SLCO3A1: variants seen among roughly 807,000 people sequenced by gnomAD.
SLCO3A1 encodes the protein solute carrier organic anion transporter family member 3A1.
SLCO3A1 carries 27 observed loss-of-function variants against 63.1 expected under a neutral mutation model. That is an observed-to-expected ratio of 0.43 (90% CI 0.32 to 0.59). The LOEUF is 0.59. Ranked by LOEUF, SLCO3A1 falls within the 20% of genes least tolerant of loss-of-function variation. SLCO3A1 has a pLI of 0.09. For synonymous variants in SLCO3A1, 473 were observed against 409.9 expected, an observed-to-expected ratio of 1.15 and a Z score of -1.86; for missense variants, 773 against 945.8, an observed-to-expected ratio of 0.82 and a Z score of 2.40.
rs865973834 is a variant in SLCO3A1, at chr15:92,047,161, C to T, written c.647-47720C>T. On this transcript the variant is annotated intron_variant, in intron 2 of 9. Coordinates refer to ENST00000318445, the MANE Select transcript of SLCO3A1 (RefSeq NM_013272.4). ...TATATATAATATATAAATATATATACAAATATATATATAATATATAAATAT... is the reference window on the plus strand; with the variant it reads ...TATATATAATATATAAATATATATATAAATATATATATAATATATAAATAT... 5.2e-3 allele frequency among the ~76,000 whole-genome samples: 15 copies of T among 2,858 alleles called. 2 individuals are homozygous for T. The highest frequency in any genetic ancestry group is 0.021 in the African/African-American group (12 of 570). The allele number at this position is 2,858 out of a possible 152,430, so 1.9% of individuals were successfully genotyped here.
intron 2 of SLCO3A1, among the ~76,000 whole-genome samples, chr15:92,015,370 G>A (rs1234485240): frequency 6.6e-6 from 1 of 152,104 alleles, no homozygotes; most frequent in Non-Finnish European, 1.5e-5. Flanking sequence ...AGAAGGCGAA[G>A]AAGAAGCAAG....
intron 2 of SLCO3A1, among the ~76,000 whole-genome samples, chr15:91,924,266 G>A (rs1898940800): frequency 6.6e-6 from 1 of 152,184 alleles, no homozygotes; most frequent in South Asian, 2.1e-4. Flanking sequence ...GTTGCCCTGT[G>A]GGAGTGCAAA....
intron 7 of SLCO3A1, among the ~76,000 whole-genome samples, chr15:92,132,765 G>T (rs1050988381): frequency 6.9e-6 from 1 of 145,434 alleles, no homozygotes; most frequent in African/African-American, 2.5e-5. Context: ...ACCTGTTTCA[G>T]TGAAATGCCA....
At chr15:91,987,759 A>T (rs2046072604) in intron 2 of SLCO3A1, among the ~76,000 whole-genome samples, 1 of 150,542 alleles carries the variant, frequency 6.6e-6, no homozygotes, top group South Asian at 2.1e-4. Context: ...AAAAAAAAAG[A>T]TAATAATAAT....
intron 1 of SLCO3A1, among the ~76,000 whole-genome samples, chr15:91,874,840 C>T (rs1211855594): frequency 2.0e-5 from 3 of 152,162 alleles, no homozygotes; most frequent in Non-Finnish European, 2.9e-5. Context: ...ATTATTTCCT[C>T]GTGGTTTCAT....
At chr15:91,956,845 A>G (rs1309731533) in intron 2 of SLCO3A1, among the ~76,000 whole-genome samples, 2 of 128,098 alleles carry the variant, frequency 1.6e-5, no homozygotes, top group African/African-American at 6.1e-5. Flanking sequence ...GCTGGAGTGC[A>G]GTGATGTGAT....
chr15:92,163,834 T>G lies in SLCO3A1; in HGVS notation c.*699T>G. 1.0e-6 allele frequency: 1 copy of G among 985,500 alleles called. No individual in the cohort carries two copies. Among genetic ancestry groups the G allele is most frequent in the Non-Finnish European group, 1.2e-6 (1 of 830,082 alleles). 61.0% of individuals were successfully genotyped at this position (985,500 alleles called of 1,614,324 possible). Reference sequence around the variant, plus strand: ...CCTCTCACCAGCTCCATTTCCATGTTCAAGACTGAGGGCCTGAGGGGGAGC... The same window carrying G: ...CCTCTCACCAGCTCCATTTCCATGTGCAAGACTGAGGGCCTGAGGGGGAGC... On this transcript the variant is annotated 3_prime_UTR_variant, in exon 10 of 10. Coordinates refer to ENST00000318445, the MANE Select transcript of SLCO3A1 (RefSeq NM_013272.4).
intron 2 of SLCO3A1, among the ~76,000 whole-genome samples, chr15:92,036,544 G>A (rs1444252820): frequency 6.6e-6 from 1 of 152,044 alleles, no homozygotes; most frequent in Admixed American, 6.6e-5. Context: ...TACACACCTT[G>A]ATAGGGAGCT....
intron 2 of SLCO3A1, among the ~76,000 whole-genome samples, chr15:92,012,151 T>C (rs1221636947): frequency 2.6e-5 from 4 of 152,242 alleles, no homozygotes; most frequent in Non-Finnish European, 5.9e-5. Context: ...TATGTAATAA[T>C]CAGTGCCGTT....
At chr15:92,025,877 A>G (rs2046567880) in intron 2 of SLCO3A1, among the ~76,000 whole-genome samples, 1 of 152,236 alleles carries the variant, frequency 6.6e-6, no homozygotes, top group South Asian at 2.1e-4. Context: ...AGATGCTGGA[A>G]GAGTGGTACA....
At chr15:91,938,482 GTTT>G (rs71156621) in intron 2 of SLCO3A1, among the ~76,000 whole-genome samples, 1 of 136,238 alleles carries the variant, frequency 7.3e-6, no homozygotes, top group African/African-American at 2.7e-5. Context: ...GGTTTTTTTT[GTTT>G]TTTTTTTTTT....
intron 1 of SLCO3A1, among the ~76,000 whole-genome samples, chr15:91,880,085 C>T (rs182208063): frequency 6.7e-6 from 1 of 148,740 alleles, no homozygotes. Flanking sequence ...GCTCCTCAAC[C>T]TGCTTGTATG....
At chr15:92,015,350 C>A (rs563728641) in intron 2 of SLCO3A1, among the ~76,000 whole-genome samples, 46 of 152,186 alleles carry the variant, frequency 3.0e-4, no homozygotes, top group African/African-American at 1.1e-3. Context: ...AGGAAACTTA[C>A]AATCATGTCA....
chr15:91,999,922 G>T (rs1490208256), intron 2 of SLCO3A1, among the ~76,000 whole-genome samples: 1 of 152,182 alleles, frequency 6.6e-6, no homozygotes, highest in Non-Finnish European at 1.5e-5. Context: ...GTTCACTGGG[G>T]CATTGTTTGT....
chr15:91,987,539 C>T (rs987453716), intron 2 of SLCO3A1, among the ~76,000 whole-genome samples: 10 of 151,888 alleles, frequency 6.6e-5, no homozygotes, highest in South Asian at 4.2e-4. Flanking sequence ...GTCAGGAGTT[C>T]GAGACCAGCC....
rs1206859655 is a variant in SLCO3A1 at position 91,916,125 on chromosome 15, C to A, written c.313C>A (p.Arg105=). ...FVSYFGARGH[R]PRLIGCGGIV... ...GAGCTACTTCGGGGCACGCGGGCAC[C>A]GGCCGCGCCTGATCGGCTGCGGCGG... Residue 105 remains arginine (R), a synonymous_variant, in exon 2 of 10, where the codon CGG becomes AGG. Transcript: ENST00000318445. The surrounding 1 kb of genome is among the most constrained non-coding windows in gnomAD (Gnocchi z 6.2). 1.9e-6 allele frequency: 3 copies of A among 1,610,516 alleles called. No homozygotes were observed. The highest frequency in any genetic ancestry group is 2.5e-6 in the Non-Finnish European group (3 of 1,179,278).
intron 10 of SLCO3A1, chr15:92,171,674 C>G: frequency 1.3e-6 from 1 of 799,564 alleles, no homozygotes; most frequent in Non-Finnish European, 2.1e-6. Context: ...CTTGTCCCTT[C>G]ACTGCAAAGC....
At chr15:92,169,978 A>G (rs2048512731), downstream of SLCO3A1, among the ~76,000 whole-genome samples, 1 of 152,226 alleles carries the variant, frequency 6.6e-6, no homozygotes, top group South Asian at 2.1e-4. Flanking sequence ...TGATTATCAT[A>G]AATTTTGAAT....
In SLCO3A1 at chr15:91,883,253, T is replaced by C. The variant is rs1376304486; in HGVS notation, c.180+29165T>C. ...CATCAGGTGCCCAGGAGTCTTCCTG[T>C]GTGAAGTCAGCTTGTTTGGAGAGTG... is the stretch of plus-strand genomic sequence containing the variant. On this transcript the variant is annotated intron_variant, in intron 1 of 9. Coordinates refer to ENST00000318445, the MANE Select transcript of SLCO3A1 (RefSeq NM_013272.4). This position sits in a 1 kb window ranked among gnomAD's most constrained non-coding sequence, Gnocchi z 4.8. Among the ~76,000 whole-genome samples, 1 of 152,184 alleles carries C rather than the reference T, an allele frequency of 6.6e-6. No individual in the cohort carries two copies. The highest frequency in any genetic ancestry group is 2.4e-5 in the African/African-American group (1 of 41,440).
Sources: gnomAD v4.1 joint callset for allele counts (sites outside exome capture counted in the v4.1 genomes callset) on GRCh38, gnomAD v4.1.1 for gene constraint, Gnocchi (gnomAD v3.1) non-coding constraint, MANE v1.5 for transcripts, NCBI Gene and HGNC (gene_info 2026-07-23, HGNC 2026-07-21) for gene names.